COPA: variants seen among roughly 807,000 people sequenced by gnomAD.
COPA encodes the protein coatomer subunit alpha.
COPA carries 10 observed loss-of-function variants against 158.7 expected under a neutral mutation model. The observed-to-expected ratio is 0.06, with a 90% CI of 0.04 to 0.11. COPA has a LOEUF of 0.11. COPA is among the 10% of genes least tolerant of loss of function. The probability of loss-of-function intolerance (pLI) is 1.00; values close to 1 mark genes in which losing one functional copy is unlikely to be tolerated. For synonymous variants in COPA, 462 were observed against 542.8 expected, an observed-to-expected ratio of 0.85 and a Z score of 2.07; for missense variants, 1,065 against 1,536.7, an observed-to-expected ratio of 0.69 and a Z score of 5.13.
chr1:160,322,533 T>C (rs778534009), intron 8 of COPA, among the ~76,000 whole-genome samples: 1 of 152,106 alleles, frequency 6.6e-6, no homozygotes, highest in Non-Finnish European at 1.5e-5. Context: ...AAAATGCTCA[T>C]CAATAATTAT....
At chr1:160,296,192 T>C in intron 21 of COPA, 43 bp from the exon 22 acceptor site, 1 of 1,557,686 alleles carries the variant, frequency 6.4e-7, no homozygotes, top group Non-Finnish European at 8.9e-7. Context: ...CATTTCCAAA[T>C]GCATGCTGCT....
At chr1:160,294,699 G>C (rs1487845819) in intron 24 of COPA, 69 bp downstream of exon 24, 3 of 1,594,662 alleles carry the variant, frequency 1.9e-6, no homozygotes, top group African/African-American at 2.7e-5. Flanking sequence ...AGTCTGCAGA[G>C]CTACCCACAA....
chr1:160,322,706 T>C (rs374385814), intron 8 of COPA, among the ~76,000 whole-genome samples: 7 of 151,864 alleles, frequency 4.6e-5, no homozygotes, highest in South Asian at 2.1e-4. Context: ...CTGGCAAGGG[T>C]ATGGAGAAAG....
intron 1 of COPA, among the ~76,000 whole-genome samples, chr1:160,342,475 T>G (rs10752637): frequency 0.64 from 97,787 of 152,004 alleles, 32,982 homozygotes; most frequent in African/African-American, 0.86. Flanking sequence ...AATACGAGAT[T>G]TCCAGATAAA....
chr1:160,311,779 G>A, intron 11 of COPA, 89 bp downstream of exon 11: 1 of 1,200,162 alleles, frequency 8.3e-7, no homozygotes, highest in Middle Eastern at 2.1e-4. Flanking sequence ...ATAAATAAAT[G>A]AAAGAAAGAA....
At chr1:160,334,436 G>A (rs1049794083) in intron 4 of COPA, among the ~76,000 whole-genome samples, 22 of 152,062 alleles carry the variant, frequency 1.4e-4, no homozygotes, top group African/African-American at 4.8e-4. Context: ...GTCCTTTATG[G>A]CAATGACAAA....
intron 10 of COPA, among the ~76,000 whole-genome samples, chr1:160,312,367 A>G (rs1658995299): frequency 6.6e-6 from 1 of 152,232 alleles, no homozygotes; most frequent in African/African-American, 2.4e-5. Context: ...GGCAGAAATT[A>G]TAATTTCCAT....
chr1:160,311,889 A>G lies in COPA; in HGVS notation c.1055T>C (p.Val352Ala). Residue 352 changes from valine (V) to alanine (A), a missense_variant, in exon 11 of 33, where the codon GTA (valine) becomes GCA (alanine). By Grantham distance (64) the Val-to-Ala change is moderately conservative. This residue lies in a region of COPA where 980 missense variants were observed against 1,357.8 expected (regional missense o/e 0.72). Coordinates refer to ENST00000241704, the MANE Select transcript of COPA (RefSeq NM_004371.4). The part of the protein sequence containing the change: ...RQLDFNSSKD[V>A]AVMQLRSGSK... ...TTACCTCCGCAACTGCATCACAGCTACATCTTTGGAGCTGTTGAAATCCAG... is the reference window on the plus strand; with the variant it reads ...TTACCTCCGCAACTGCATCACAGCTGCATCTTTGGAGCTGTTGAAATCCAG... 2 of 1,613,824 alleles carry G rather than the reference A, an allele frequency of 1.2e-6. No individual in the cohort carries two copies. The highest frequency in any genetic ancestry group is 4.5e-5 in the East Asian group (2 of 44,882).
chr1:160,314,802 G>T (rs1659082007), intron 8 of COPA, among the ~76,000 whole-genome samples: 1 of 152,022 alleles, frequency 6.6e-6, no homozygotes, highest in East Asian at 1.9e-4. Context: ...TTCAGACAGG[G>T]GCCTTATCTG....
intron 7 of COPA, among the ~76,000 whole-genome samples, chr1:160,325,067 C>CT (rs199862603): frequency 0.026 from 3,820 of 144,268 alleles, 127 homozygotes; most frequent in African/African-American, 0.08. Flanking sequence ...CTCTAAATCT[C>CT]TTTTTTTTTT....
In COPA at chr1:160,333,726, T is replaced by C. The variant is rs780553421; in HGVS notation, c.310-47A>G. ...GGCTTTAAACATTAAACAAATCTGTTCTATCAGGTTCTTGTAATCATTTTT... is the reference window on the plus strand; with the variant it reads ...GGCTTTAAACATTAAACAAATCTGTCCTATCAGGTTCTTGTAATCATTTTT... On this transcript the variant is annotated intron_variant, in intron 4 of 32. Coordinates refer to ENST00000241704, the MANE Select transcript of COPA (RefSeq NM_004371.4). 3.5e-6 allele frequency: 5 copies of C among 1,439,086 alleles called. No homozygotes were observed. The Admixed American group carries it at 8.7e-5, about 25-fold the overall frequency. The allele number at this position is 1,439,086 out of a possible 1,614,324, so 89.1% of individuals were successfully genotyped here.
At position 160,292,053 on chromosome 1, in the gene COPA, C is replaced by T; in HGVS notation, c.3106G>A (p.Val1036Met). The change falls in exon 29 of 33, where the codon GTG becomes ATG. Residue 1036 changes from valine to methionine, a missense_variant. Val to Met is a conservative substitution (Grantham distance 21). This residue lies in a region of COPA where 980 missense variants were observed against 1,357.8 expected (regional missense o/e 0.72). Transcript: ENST00000241704. ...VEKFRSILLS[V>M]PLLVVDNKQE... is the part of the protein sequence containing the mutation. Reference sequence around the variant, plus strand: ...TTATTGTCCACAACAAGAAGTGGCACACTGAGAAGGATGGAACGGAATTTT... The same window carrying T: ...TTATTGTCCACAACAAGAAGTGGCATACTGAGAAGGATGGAACGGAATTTT... The T allele has an allele frequency of 6.2e-7, 1 of 1,614,232 alleles. No individual in the cohort carries two copies. The highest frequency in any genetic ancestry group is 2.2e-5 in the East Asian group (1 of 44,888).
intron 32 of COPA, 39 bp downstream of exon 32, chr1:160,290,453 C>T (rs759338999): frequency 3.8e-6 from 6 of 1,588,170 alleles, no homozygotes; most frequent in Non-Finnish European, 5.2e-6. Flanking sequence ...TTCCCCTTCG[C>T]TCAATATCCT....
rs545516258 is a variant in COPA, at chr1:160,313,152, A to C, written c.858T>G (p.Thr286=). ...WDMSKRTGVQ[T]FRRDHDRFWV... is the part of the protein sequence containing the mutation. ...AGAAACGATCATGGTCTCTGCGGAA[A>C]GTCTGAACCCCAGTCCTAGAAAAGG... is the stretch of plus-strand genomic sequence containing the variant. The change falls in exon 10 of 33, where the codon ACT becomes ACG. Residue 286 remains threonine (T), a synonymous_variant. Coordinates refer to ENST00000241704, the MANE Select transcript of COPA (RefSeq NM_004371.4). 5 of 1,614,162 alleles carry C rather than the reference A, an allele frequency of 3.1e-6. No individual in the cohort carries two copies. In the South Asian group the frequency reaches 5.5e-5, roughly 18 times the overall value.
intron 9 of COPA, 123 bp from the exon 10 acceptor site, chr1:160,313,290 C>A: frequency 3.8e-6 from 3 of 792,362 alleles, no homozygotes; most frequent in Non-Finnish European, 6.2e-6. Context: ...GAGTAAACTG[C>A]ATATCCTAAG....
At chr1:160,313,948 G>A (rs1221820300) in intron 9 of COPA, 42 bp downstream of exon 9, 2 of 1,518,436 alleles carry the variant, frequency 1.3e-6, no homozygotes, top group Admixed American at 4.2e-5. Context: ...TTTTAAAAGA[G>A]AGAGTAAGAG....
chr1:160,293,486 G>T, intron 25 of COPA, 23 bp from the exon 26 acceptor site: 1 of 1,534,360 alleles, frequency 6.5e-7, no homozygotes, highest in Non-Finnish European at 8.8e-7. Context: ...CAAAAATTGA[G>T]TATTGAGTAA....
chr1:160,330,257 A>C (rs1041894299), intron 6 of COPA, among the ~76,000 whole-genome samples: 1 of 152,156 alleles, frequency 6.6e-6, no homozygotes, highest in Non-Finnish European at 1.5e-5. Context: ...AAGCCATAGC[A>C]AGGTTACTGG....
At chr1:160,328,354 TA>T (rs1486092359) in intron 6 of COPA, among the ~76,000 whole-genome samples, 2 of 152,218 alleles carry the variant, frequency 1.3e-5, no homozygotes, top group African/African-American at 4.8e-5. Context: ...CATTTGCGTG[TA>T]ATGATCCGGG....
Sources: gnomAD v4.1 joint callset for allele counts (sites outside exome capture counted in the v4.1 genomes callset) on GRCh38, gnomAD v4.1.1 for gene constraint, gnomAD v4.1.1 regional missense constraint, MANE v1.5 for transcripts, NCBI Gene and HGNC (gene_info 2026-07-23, HGNC 2026-07-21) for gene names.